Variants in ZNF385B observed in about 807,000 individuals in gnomAD.
ZNF385B encodes zinc finger protein 533.
ZNF385B carries 23 observed loss-of-function variants against 39.2 expected under a neutral mutation model. The observed-to-expected ratio is 0.59, with a 90% confidence interval of 0.42 to 0.83. ZNF385B has a LOEUF of 0.83. Ranked by LOEUF, ZNF385B falls within the 40% of genes least tolerant of loss-of-function variation. The pLI, the probability that ZNF385B is intolerant of heterozygous loss-of-function variation, is 0.00. For synonymous variants in ZNF385B, 205 were observed against 222.6 expected, an observed-to-expected ratio of 0.92 and a Z score of 0.70; for missense variants, 552 against 598.9, an observed-to-expected ratio of 0.92 and a Z score of 0.82.
At chr2:179,854,101 C>T (rs1025253352) in intron 1 of ZNF385B, among the ~76,000 whole-genome samples, 5 of 152,104 alleles carry the variant, frequency 3.3e-5, no homozygotes, top group African/African-American at 1.2e-4. Context: ...TATCTGTATA[C>T]AAACAATGGC....
At chr2:179,504,024 C>A (rs1255343199) in intron 5 of ZNF385B, among the ~76,000 whole-genome samples, 1 of 147,212 alleles carries the variant, frequency 6.8e-6, no homozygotes, top group Admixed American at 6.7e-5. Context: ...TATCCCTCCC[C>A]CCTCTCCCCA....
chr2:179,753,550 T>G (rs982788177), intron 3 of ZNF385B, among the ~76,000 whole-genome samples: 4 of 152,212 alleles, frequency 2.6e-5, no homozygotes, highest in Admixed American at 2.6e-4. Context: ...TGTCACGATA[T>G]TTATTATTCC....
chr2:179,691,850 T>A (rs2203462), intron 3 of ZNF385B, among the ~76,000 whole-genome samples: 41,650 of 151,982 alleles, frequency 0.27, 6,215 homozygotes, highest in Non-Finnish European at 0.34. Flanking sequence ...TTTATTTTTT[T>A]AAAAAAATAT....
chr2:179,849,389 G>T (rs1160753287), intron 1 of ZNF385B, among the ~76,000 whole-genome samples: 2 of 152,216 alleles, frequency 1.3e-5, no homozygotes, highest in Non-Finnish European at 2.9e-5. Flanking sequence ...AAAGCAGGAG[G>T]ATTCCTCCTC....
chr2:179,648,077 A>G (rs10432487), intron 3 of ZNF385B, among the ~76,000 whole-genome samples: 50,297 of 151,842 alleles, frequency 0.33, 9,568 homozygotes, highest in African/African-American at 0.52. Flanking sequence ...GTATCCACAC[A>G]TGGGGGCAAC....
At chr2:179,446,124 T>A (rs2105541005) in intron 7 of ZNF385B, among the ~76,000 whole-genome samples, 1 of 152,332 alleles carries the variant, frequency 6.6e-6, no homozygotes, top group East Asian at 1.9e-4. Flanking sequence ...CATTATGTTT[T>A]AATGGCTGAT....
intron 3 of ZNF385B, among the ~76,000 whole-genome samples, chr2:179,651,537 T>C (rs1322634993): frequency 1.3e-5 from 2 of 151,244 alleles, no homozygotes. Context: ...ACATACTATA[T>C]AAAAATAAGT....
chr2:179,514,596 A>G (rs545292607), intron 5 of ZNF385B, among the ~76,000 whole-genome samples: 2 of 152,346 alleles, frequency 1.3e-5, no homozygotes, highest in East Asian at 3.9e-4. Flanking sequence ...AAGAGTGTCA[A>G]TAGTATGCTA....
intron 3 of ZNF385B, among the ~76,000 whole-genome samples, chr2:179,699,070 A>C (rs553101743): frequency 2.4e-4 from 36 of 151,748 alleles, no homozygotes; most frequent in Middle Eastern, 3.4e-3. Context: ...TAATGTTATA[A>C]ATATGCTGGA....
chr2:179,445,492 G>T, intron 8 of ZNF385B, 58 bp downstream of exon 8: 1 of 1,519,160 alleles, frequency 6.6e-7, no homozygotes, highest in Non-Finnish European at 8.9e-7. Flanking sequence ...TAGATGAGAA[G>T]ATACACAGTC....
At chr2:179,597,042 C>A (rs1379554339) in intron 3 of ZNF385B, among the ~76,000 whole-genome samples, 2 of 152,112 alleles carry the variant, frequency 1.3e-5, no homozygotes, top group African/African-American at 2.4e-5. Flanking sequence ...CTTTCAGTTC[C>A]CAATAATTTG....
chr2:179,789,866 T>C (rs1490933740), intron 1 of ZNF385B, among the ~76,000 whole-genome samples: 1 of 152,028 alleles, frequency 6.6e-6, no homozygotes, highest in Non-Finnish European at 1.5e-5. Context: ...TATAAGGAAA[T>C]AAATATAAGA....
intron 3 of ZNF385B, among the ~76,000 whole-genome samples, chr2:179,565,865 C>T (rs1684508165): frequency 6.6e-6 from 1 of 152,234 alleles, no homozygotes; most frequent in African/African-American, 2.4e-5. Flanking sequence ...CATTACAGTA[C>T]TTAAGACTGT....
At chr2:179,605,686 G>A (rs997707307) in intron 3 of ZNF385B, among the ~76,000 whole-genome samples, 2 of 152,094 alleles carry the variant, frequency 1.3e-5, no homozygotes, top group Admixed American at 6.6e-5. Flanking sequence ...CTCTTAAGAC[G>A]CATTTATTTT....
intron 1 of ZNF385B, among the ~76,000 whole-genome samples, chr2:179,808,457 C>T (rs908667060): frequency 1.1e-4 from 17 of 152,198 alleles, no homozygotes; most frequent in African/African-American, 3.9e-4. Context: ...CACACAGAAA[C>T]ATCAGCTGTA....
chr2:179,851,097 T>G (rs1299309206), intron 1 of ZNF385B, among the ~76,000 whole-genome samples: 1 of 152,230 alleles, frequency 6.6e-6, no homozygotes, highest in East Asian at 1.9e-4. Context: ...TCAACCTTTA[T>G]GTCAATCACC....
chr2:179,529,569 T>C (rs2059132301), intron 4 of ZNF385B, among the ~76,000 whole-genome samples: 1 of 152,166 alleles, frequency 6.6e-6, no homozygotes, highest in Non-Finnish European at 1.5e-5. Context: ...GAGAAAATTA[T>C]AGGTGTTTCA....
chr2:179,842,464 A>G (rs1236867633), intron 1 of ZNF385B, among the ~76,000 whole-genome samples: 1 of 152,152 alleles, frequency 6.6e-6, no homozygotes, highest in African/African-American at 2.4e-5. Flanking sequence ...CTGATCACAT[A>G]TGAGTTTTCC....
chr2:179,635,387 T>TG (rs1176699681), intron 3 of ZNF385B, among the ~76,000 whole-genome samples: 2 of 5,366 alleles, frequency 3.7e-4, no homozygotes, highest in Non-Finnish European at 7.7e-4. Flanking sequence ...TGTTGGGGGG[T>TG]GGGGGGGCTG....
Sources: gnomAD v4.1 joint callset for allele counts (sites outside exome capture counted in the v4.1 genomes callset) on GRCh38, gnomAD v4.1.1 for gene constraint, MANE v1.5 for transcripts, NCBI Gene and HGNC (gene_info 2026-07-23, HGNC 2026-07-21) for gene names.